Variants in TMOD3 observed in about 807,000 individuals in gnomAD.
The protein encoded by TMOD3 is tropomodulin 3, also known as tropomodulin-3.
In TMOD3, 20 loss-of-function variants were observed where a neutral mutation model predicts 39.2. That is an observed-to-expected ratio of 0.51 (90% CI 0.36 to 0.74). TMOD3 has a LOEUF of 0.74. Among genes scored for constraint, TMOD3 ranks in the 30% least tolerant of loss-of-function variants. The pLI, the probability that TMOD3 is intolerant of heterozygous loss-of-function variation, is 0.00. For missense variants in TMOD3, 381 were observed against 412.8 expected (o/e 0.92, Z 0.67); for synonymous variants, 143 against 145.8 (o/e 0.98, Z 0.14).
At chr15:51,829,955 C>T (rs1050521736) in intron 1 of TMOD3, 119 bp downstream of exon 1, 21 of 152,400 alleles carry the variant, frequency 1.4e-4, no homozygotes, top group African/African-American at 1.9e-4. Context: ...ACTCCAGGCT[C>T]CTTCCCGACG....
At chr15:51,907,499 C>T (rs938062927) in intron 9 of TMOD3, among the ~76,000 whole-genome samples, 8 of 152,188 alleles carry the variant, frequency 5.3e-5, no homozygotes, top group Non-Finnish European at 1.2e-4. Flanking sequence ...TAAAGGCCGA[C>T]AAACAGAAGT....
intron 3 of TMOD3, among the ~76,000 whole-genome samples, chr15:51,879,347 T>C (rs945076151): frequency 2.6e-5 from 4 of 152,138 alleles, no homozygotes; most frequent in East Asian, 1.9e-4. Context: ...TTCATACTTA[T>C]CTGAGAGTTT....
At chr15:51,859,847 A>T (rs935417476) in intron 1 of TMOD3, 4 of 523,174 alleles carry the variant, frequency 7.6e-6, no homozygotes, top group African/African-American at 5.8e-5. Context: ...CACAGCAACA[A>T]CTCAAGTCAA....
intron 9 of TMOD3, among the ~76,000 whole-genome samples, chr15:51,903,982 T>C (rs768769123): frequency 1.3e-5 from 2 of 152,234 alleles, no homozygotes; most frequent in Non-Finnish European, 2.9e-5. Flanking sequence ...TCTCCTGTTA[T>C]GCAGGATAAG....
At position 51,912,441 on chromosome 15, in the gene TMOD3, T is replaced by C. The variant is rs201477205; in HGVS notation, c.*3631T>C. 2 of 28,122 alleles carry C rather than the reference T, an allele frequency of 7.1e-5. No homozygotes were observed. Among genetic ancestry groups the C allele is most frequent in the African/African-American group, 2.4e-4 (2 of 8,408 alleles). 1.7% of individuals were successfully genotyped at this position (28,122 alleles called of 1,614,324 possible). On this transcript the variant is annotated 3_prime_UTR_variant, in exon 10 of 10. Transcript: ENST00000308580. ...AAACTCCGTCTCAAAAAAAAAAAAA[T>C]TTTTTTTTTTTTATAAAATGTTACT...
At chr15:51,877,289 G>T (rs1201997782) in intron 3 of TMOD3, among the ~76,000 whole-genome samples, 13 of 152,034 alleles carry the variant, frequency 8.6e-5, no homozygotes, top group Admixed American at 8.5e-4. Flanking sequence ...TCCAGTGCTG[G>T]ATGTATTGAT....
chr15:51,878,376 A>ATATG lies in TMOD3; in HGVS notation c.283+9004_283+9005insATGT, dbSNP rs112690572. The stretch of plus-strand genomic sequence containing the variant: ...AACAAGAACCATCTCTTTAAAATAT[A>ATATG]TGTGTGTGTGTGTGTGTGTGTGTGT... On this transcript the variant is annotated intron_variant, in intron 3 of 9. Transcript: ENST00000308580. 3.4e-3 allele frequency among the ~76,000 whole-genome samples: 498 copies of ATATG among 147,428 alleles called. 1 individual carries two copies. The highest frequency in any genetic ancestry group is 0.012 in the African/African-American group (482 of 39,774).
In TMOD3 at chr15:51,914,104, A is replaced by G. The variant is rs1469077658; in HGVS notation, c.*5294A>G. ...TTGAGACCAGGAGTTTGAGACTACC[A>G]TGGACAACATAGCAAGACCCCATCT... is the stretch of plus-strand genomic sequence containing the variant. On this transcript the variant is annotated 3_prime_UTR_variant, in exon 10 of 10. Transcript: ENST00000308580. 6.6e-6 allele frequency: 1 copy of G among 152,074 alleles called. No individual in the cohort carries two copies. The highest frequency in any genetic ancestry group is 2.4e-5 in the African/African-American group (1 of 41,300). The allele number at this position is 152,074 out of a possible 1,614,324, so 9.4% of individuals were successfully genotyped here. A position where few individuals can be genotyped will look rare whatever the true frequency, so the allele number is the denominator to read the frequency against.
rs534646668 is a variant in TMOD3, at chr15:51,887,689, T to C, written c.384T>C (p.Asp128=). Residue 128 remains aspartate, a synonymous_variant, in exon 4 of 10, where the codon GAT becomes GAC. Transcript: ENST00000308580. Reference sequence around the variant, plus strand: ...AAGAAGCTTTGACAAGTGCTTCTGATACAGAATTGTGTGACCTCGCAGGTA... The same window carrying C: ...AAGAAGCTTTGACAAGTGCTTCTGACACAGAATTGTGTGACCTCGCAGGTA... The part of the protein sequence containing the change: ...ELEEALTSAS[D]TELCDLAAIL... 1.9e-6 allele frequency: 3 copies of C among 1,613,720 alleles called. No homozygotes were observed. The highest frequency in any genetic ancestry group is 1.7e-4 in the Middle Eastern group (1 of 6,058).
At chr15:51,856,733 C>A (rs2056389778) in intron 1 of TMOD3, among the ~76,000 whole-genome samples, 1 of 151,960 alleles carries the variant, frequency 6.6e-6, no homozygotes, top group Non-Finnish European at 1.5e-5. Context: ...AGTGAAATAC[C>A]ACCAGAATGG....
At chr15:51,901,362 C>G (rs1471509125) in intron 8 of TMOD3, 1 of 153,306 alleles carries the variant, frequency 6.5e-6, no homozygotes, top group Non-Finnish European at 1.4e-5. Context: ...CTATGTTTAA[C>G]TTTTTGAGCA....
intron 1 of TMOD3, among the ~76,000 whole-genome samples, chr15:51,850,987 C>T (rs1290497604): frequency 1.3e-5 from 2 of 152,146 alleles, no homozygotes; most frequent in Non-Finnish European, 2.9e-5. Flanking sequence ...CCAACCTTGG[C>T]CTCCCAAAGT....
At chr15:51,841,377 A>G (rs188257944) in intron 1 of TMOD3, among the ~76,000 whole-genome samples, 9 of 152,330 alleles carry the variant, frequency 5.9e-5, no homozygotes, top group Admixed American at 3.3e-4. Flanking sequence ...TTTCAGATAT[A>G]TTATCCTGAA....
intron 1 of TMOD3, among the ~76,000 whole-genome samples, chr15:51,832,272 G>A (rs1267941759): frequency 1.4e-5 from 2 of 138,222 alleles, no homozygotes; most frequent in Admixed American, 1.6e-4. Context: ...TTCTCTTTGG[G>A]ATTAGGCAGA....
intron 1 of TMOD3, among the ~76,000 whole-genome samples, chr15:51,861,631 GTATT>G (rs2056419336): frequency 6.7e-6 from 1 of 149,866 alleles, no homozygotes; most frequent in African/African-American, 2.5e-5. Flanking sequence ...AGTCTAAAGT[GTATT>G]TATTTCCATA....
chr15:51,866,480 G>GAA (rs200419486), intron 2 of TMOD3, among the ~76,000 whole-genome samples: 1 of 149,468 alleles, frequency 6.7e-6, no homozygotes, highest in South Asian at 2.1e-4. Flanking sequence ...AAAAAAGAAA[G>GAA]AAAAAAAAGG....
intron 3 of TMOD3, among the ~76,000 whole-genome samples, chr15:51,873,942 GC>G (rs763069548): frequency 6.6e-6 from 1 of 152,112 alleles, no homozygotes; most frequent in Non-Finnish European, 1.5e-5. Flanking sequence ...TTTTTCAAAA[GC>G]AAAAACTTGG....
intron 7 of TMOD3, among the ~76,000 whole-genome samples, chr15:51,896,753 T>C (rs1344880023): frequency 6.6e-6 from 1 of 152,210 alleles, no homozygotes; most frequent in Non-Finnish European, 1.5e-5. Flanking sequence ...TTTTAAAACA[T>C]AAATGGAATC....
rs375578220 is a variant in TMOD3, at chr15:51,846,317, TCAAAA to T, written c.-74-16468_-74-16464del. Among the ~76,000 whole-genome samples, 732 of 152,004 alleles carry T rather than the reference TCAAAA, an allele frequency of 4.8e-3. 1 individual carries two copies. Among genetic ancestry groups the T allele is most frequent in the Non-Finnish European group, 6.5e-3 (441 of 68,000 alleles). On this transcript the variant is annotated intron_variant, in intron 1 of 9. Transcript: ENST00000308580. ...CTACACTTTAGCCTGGGTAACAGGCTCAAAACAAAACAAAACAAAACAAAACAAAA... is the reference window on the plus strand; with the variant it reads ...CTACACTTTAGCCTGGGTAACAGGCTCAAAACAAAACAAAACAAAACAAAA...
Sources: gnomAD v4.1 joint callset for allele counts (sites outside exome capture counted in the v4.1 genomes callset) on GRCh38, gnomAD v4.1.1 for gene constraint, MANE v1.5 for transcripts, NCBI Gene and HGNC (gene_info 2026-07-23, HGNC 2026-07-21) for gene names.